The following MBTPS1 variants were observed in gnomAD, a reference collection of about 807,000 sequenced individuals.
MBTPS1 encodes membrane bound transcription factor peptidase, site 1.
A neutral mutation model predicts 127.8 loss-of-function variants in MBTPS1; 94 were observed. That is an observed-to-expected ratio of 0.74 (90% CI 0.62 to 0.87). The LOEUF is 0.87. Among genes scored for constraint, MBTPS1 ranks in the 40% least tolerant of loss-of-function variants. The probability of loss-of-function intolerance (pLI) is 0.00; values close to 1 mark genes in which losing one functional copy is unlikely to be tolerated. For missense variants in MBTPS1, 1,636 were observed against 1,353.2 expected, an observed-to-expected ratio of 1.21 and a Z score of -3.28; for synonymous variants, 632 against 509.4, an observed-to-expected ratio of 1.24 and a Z score of -3.24.
At chr16:84,091,486 C>CAA (rs10714716) in intron 7 of MBTPS1, among the ~76,000 whole-genome samples, 27 of 85,634 alleles carry the variant, frequency 3.2e-4, no homozygotes, top group South Asian at 1.7e-3. Context: ...AACTCCATCT[C>CAA]AAAAAAAAAA....
chr16:84,078,162 C>T (rs991826363), intron 11 of MBTPS1, among the ~76,000 whole-genome samples: 1 of 152,248 alleles, frequency 6.6e-6, no homozygotes, highest in Admixed American at 6.5e-5. Flanking sequence ...CAATGCCTAA[C>T]AGAGCTACCC....
At chr16:84,085,951 G>A (rs994238323) in intron 9 of MBTPS1, 4 of 152,206 alleles carry the variant, frequency 2.6e-5, no homozygotes, top group African/African-American at 9.7e-5. Flanking sequence ...AAACCACTGA[G>A]AAGGAACAAG....
In MBTPS1 at chr16:84,065,679, G is replaced by C; in HGVS notation, c.2431+11C>G. The C allele has an allele frequency of 6.2e-7, 1 of 1,600,168 alleles. No individual in the cohort carries two copies. The highest frequency in any genetic ancestry group is 8.6e-7 in the Non-Finnish European group (1 of 1,167,682). ...AGAAGAAGCAAAAGGCCCATGAATG[G>C]CATCCTTTACCTTGGTCCTTGAAAG... On this transcript the variant is annotated intron_variant, in intron 18 of 22. Transcript: ENST00000343411.
chr16:84,067,871 G>A (rs554774996), intron 15 of MBTPS1, 48 bp from the exon 16 acceptor site: 1 of 1,568,618 alleles, frequency 6.4e-7, no homozygotes, highest in South Asian at 1.1e-5. Context: ...CTGAATGACA[G>A]GACACCACCA....
intron 21 of MBTPS1, 33 bp downstream of exon 21, chr16:84,059,269 G>A (rs780136534): frequency 1.3e-5 from 21 of 1,593,574 alleles, no homozygotes; most frequent in Admixed American, 1.2e-4. Flanking sequence ...CAAGCCCCGT[G>A]GAAAGAGTGG....
chr16:84,093,600 C>A (rs1260715643), intron 5 of MBTPS1, 111 bp downstream of exon 5: 2 of 822,710 alleles, frequency 2.4e-6, no homozygotes, highest in East Asian at 2.6e-5. Context: ...ACAAAAAGCA[C>A]AATAACACCT....
At chr16:84,083,089 C>G (rs766750907) in intron 10 of MBTPS1, among the ~76,000 whole-genome samples, 2 of 152,226 alleles carry the variant, frequency 1.3e-5, no homozygotes, top group African/African-American at 4.8e-5. Context: ...AGAGAGCTGA[C>G]GGGCTCAACA....
intron 11 of MBTPS1, among the ~76,000 whole-genome samples, chr16:84,077,394 A>T (rs2085875348): frequency 6.6e-6 from 1 of 152,210 alleles, no homozygotes; most frequent in African/African-American, 2.4e-5. Context: ...CAGTACATGG[A>T]CAGACAGACC....
intron 1 of MBTPS1, among the ~76,000 whole-genome samples, chr16:84,107,706 C>CTT (rs1325338056): frequency 1.0e-5 from 1 of 97,654 alleles, no homozygotes; most frequent in African/African-American, 5.9e-5. Context: ...ACTCCTGGGC[C>CTT]TATTTTTTTT....
chr16:84,087,461 C>G lies in MBTPS1; in HGVS notation c.1032-1G>C. On this transcript the variant is annotated splice_acceptor_variant, in intron 8 of 22. Transcript: ENST00000343411. LOFTEE classifies it high-confidence loss of function. The stretch of plus-strand genomic sequence containing the variant: ...TTGATCAGCAGGGTTATTCAGAGTG[C>G]TATATTGAGACCAAAAAAAAAAAAA... 1 of 1,421,092 alleles carries G rather than the reference C, an allele frequency of 7.0e-7. No homozygotes were observed. The highest frequency in any genetic ancestry group is 2.1e-5 in the Admixed American group (1 of 47,920). 88.0% of individuals were successfully genotyped at this position (1,421,092 alleles called of 1,614,324 possible).
intron 3 of MBTPS1, among the ~76,000 whole-genome samples, chr16:84,097,528 C>G (rs1379396237): frequency 7.2e-5 from 11 of 152,158 alleles, no homozygotes; most frequent in Admixed American, 2.0e-4. Context: ...GAGATGGTGT[C>G]CATGGGAATC....
At chr16:84,065,904 TG>T (rs2085676269) in intron 17 of MBTPS1, 137 bp from the exon 18 acceptor site, 1 of 531,700 alleles carries the variant, frequency 1.9e-6, no homozygotes. Flanking sequence ...AGGGAGGAGC[TG>T]CTATTGCCTT....
At position 84,099,100 on chromosome 16, in the gene MBTPS1, C is replaced by T. The variant is rs755155071; in HGVS notation, c.374G>A (p.Arg125Gln). The T allele has an allele frequency of 2.2e-5, 36 of 1,614,028 alleles. No homozygotes were observed. The highest frequency in any genetic ancestry group is 5.0e-5 in the Admixed American group (3 of 59,994). ...LTLEDHPNIK[R>Q]VTPQRKVFRS... The stretch of plus-strand genomic sequence containing the variant: ...AAAGACTTTTCGTTGGGGCGTGACC[C>T]GTTTGATGTTTGGATGATCTTCAAG... Residue 125 changes from arginine to glutamine, a missense_variant, in exon 3 of 23, where the codon CGG becomes CAG. Coordinates refer to ENST00000343411, the MANE Select transcript of MBTPS1 (RefSeq NM_003791.4).
At chr16:84,077,923 A>G (rs2085885128) in intron 11 of MBTPS1, among the ~76,000 whole-genome samples, 1 of 142,596 alleles carries the variant, frequency 7.0e-6, no homozygotes, top group Non-Finnish European at 1.5e-5. Context: ...CAGACAATTC[A>G]CAAGAAAGCT....
Position 84,109,112 on chromosome 16 carries a change from T to C in MBTPS1, c.-324-7005A>G, listed in dbSNP as rs1343835146. ...CCACAATTGGTTCTAAATATCACTC[T>C]CCACTAAAAGAACCTAGGCTCTTTG... is the stretch of plus-strand genomic sequence containing the variant. On this transcript the variant is annotated intron_variant, in intron 1 of 22. Coordinates refer to ENST00000343411, the MANE Select transcript of MBTPS1 (RefSeq NM_003791.4). Among the ~76,000 whole-genome samples the C allele has an allele frequency of 2.6e-5, 4 of 152,290 alleles. No individual in the cohort carries two copies. In the East Asian group the frequency reaches 7.7e-4, roughly 29 times the overall value.
chr16:84,072,567 G>A (rs541334642), intron 12 of MBTPS1, among the ~76,000 whole-genome samples: 1 of 152,188 alleles, frequency 6.6e-6, no homozygotes. Flanking sequence ...CAAGGCGGGA[G>A]GGTCATGAGG....
At position 84,059,511 on chromosome 16, in the gene MBTPS1, G is replaced by C. The variant is rs191856535; in HGVS notation, c.2705-83C>G. The C allele has an allele frequency of 1.8e-4, 233 of 1,326,030 alleles. 1 individual carries two copies. The Admixed American group carries it at 3.2e-3, about 18-fold the overall frequency. 82.1% of individuals were successfully genotyped at this position (1,326,030 alleles called of 1,614,324 possible). Reference sequence around the variant, plus strand: ...AGGAAAAAGGAGGGCCTTATTATGAGTCTGTCTGCTTTCCCACAACACAGC... The same window carrying C: ...AGGAAAAAGGAGGGCCTTATTATGACTCTGTCTGCTTTCCCACAACACAGC... On this transcript the variant is annotated intron_variant, in intron 20 of 22. Transcript: ENST00000343411.
intron 1 of MBTPS1, among the ~76,000 whole-genome samples, chr16:84,115,101 G>A (rs948001982): frequency 6.6e-6 from 1 of 151,986 alleles, no homozygotes; most frequent in East Asian, 2.0e-4. Flanking sequence ...GCTAATTTTT[G>A]TATTTTCAGT....
At chr16:84,107,568 G>C (rs1363657886) in intron 1 of MBTPS1, among the ~76,000 whole-genome samples, 1 of 152,134 alleles carries the variant, frequency 6.6e-6, no homozygotes, top group Non-Finnish European at 1.5e-5. Context: ...CCCAATCCTA[G>C]AATAAGGTGG....
Sources: allele counts gnomAD v4.1 joint callset (sites outside exome capture counted in the v4.1 genomes callset), GRCh38; gene constraint gnomAD v4.1.1; transcripts MANE v1.5; gene names NCBI Gene and HGNC (gene_info 2026-07-23, HGNC 2026-07-21).